The following RHCE variants were observed in gnomAD, a reference collection of about 807,000 sequenced individuals.
RHCE encodes the protein blood group Rh(CE) polypeptide.
RHCE carries 22 observed loss-of-function variants against 43.8 expected under a neutral mutation model. That is an observed-to-expected ratio of 0.50 (90% CI 0.36 to 0.72). The LOEUF is 0.72. Among genes scored for constraint, RHCE ranks in the 30% least tolerant of loss-of-function variants. The pLI is 0.00. For missense variants in RHCE, 385 were observed against 525.4 expected (o/e 0.73, Z 2.61); for synonymous variants, 156 against 210.7 (o/e 0.74, Z 2.25).
chr1:25,392,622 G>A (rs1202044909), intron 3 of RHCE, among the ~76,000 whole-genome samples: 8 of 140,228 alleles, frequency 5.7e-5, no homozygotes, highest in South Asian at 2.2e-4. Context: ...TCAAGCTGGA[G>A]TGCAGTGGTG....
At chr1:25,422,589 G>A (rs1021869912), upstream of RHCE, among the ~76,000 whole-genome samples, 3 of 152,156 alleles carry the variant, frequency 2.0e-5, no homozygotes, top group African/African-American at 7.2e-5. Context: ...TGAGTAAACT[G>A]AGGCACAGAA....
rs747449449 is a variant in RHCE at position 25,392,192 on chromosome 1, G to A, written c.487-51C>T. 15 of 1,613,612 alleles carry A rather than the reference G, an allele frequency of 9.3e-6. No individual in the cohort carries two copies. The Admixed American group carries it at 2.2e-4, about 23-fold the overall frequency. ...TGAGTGTCGGCATCCTCTGCCCAGG[G>A]GAAAGCCCTGATGGTCCTTGGAGAA... On this transcript the variant is annotated intron_variant, in intron 3 of 9. Coordinates refer to ENST00000294413, the MANE Select transcript of RHCE (RefSeq NM_020485.8).
At chr1:25,427,073 G>T (rs1448956787) in intron 2 of RHCE, among the ~76,000 whole-genome samples, 1 of 151,024 alleles carries the variant, frequency 6.6e-6, no homozygotes, top group Non-Finnish European at 1.5e-5. Flanking sequence ...AAAAAAAATA[G>T]GTTTCTCTAG....
chr1:25,404,983 G>T (rs1432861689), intron 2 of RHCE, among the ~76,000 whole-genome samples: 1 of 150,270 alleles, frequency 6.7e-6, no homozygotes, highest in Non-Finnish European at 1.5e-5. Context: ...TTAAGGCCTG[G>T]AGTTTGAGAC....
chr1:25,429,480 G>C (rs576502898), intron 1 of RHCE, among the ~76,000 whole-genome samples: 2 of 152,214 alleles, frequency 1.3e-5, no homozygotes, highest in East Asian at 3.9e-4. Context: ...AAAATGCACT[G>C]GAAGACTAAC....
At chr1:25,396,297 C>CA (rs1321974874) in intron 3 of RHCE, among the ~76,000 whole-genome samples, 4 of 152,074 alleles carry the variant, frequency 2.6e-5, no homozygotes, top group Admixed American at 6.6e-5. Context: ...TCCTCGACCA[C>CA]AAAAAATATG....
chr1:25,379,130 T>C (rs1006393601), intron 7 of RHCE, among the ~76,000 whole-genome samples: 1 of 152,106 alleles, frequency 6.6e-6, no homozygotes, highest in African/African-American at 2.4e-5. Flanking sequence ...AAGAGCATGC[T>C]GCTGGCATCT....
chr1:25,389,908 C>T (rs960770469), intron 5 of RHCE, among the ~76,000 whole-genome samples: 2 of 152,266 alleles, frequency 1.3e-5, no homozygotes, highest in African/African-American at 4.8e-5. Context: ...CCTGAGCTGA[C>T]ACCCACTCCT....
At chr1:25,421,728 G>A (rs2042762554), upstream of RHCE, among the ~76,000 whole-genome samples, 1 of 152,142 alleles carries the variant, frequency 6.6e-6, no homozygotes, top group Non-Finnish European at 1.5e-5. Context: ...TCTGGTACAT[G>A]GTAAGTGTCA....
chr1:25,413,166 G>A (rs1647151877), intron 1 of RHCE, among the ~76,000 whole-genome samples: 1 of 152,146 alleles, frequency 6.6e-6, no homozygotes, highest in African/African-American at 2.4e-5. Flanking sequence ...GTCCCTGAGA[G>A]AGGAATTGTG....
intron 7 of RHCE, chr1:25,385,364 T>C: frequency 2.6e-6 from 1 of 390,674 alleles, no homozygotes; most frequent in South Asian, 2.0e-5. Flanking sequence ...TAGTACGCAG[T>C]GGGAGCACGT....
At chr1:25,384,418 C>A (rs2124388391) in intron 7 of RHCE, among the ~76,000 whole-genome samples, 1 of 152,120 alleles carries the variant, frequency 6.6e-6, no homozygotes, top group East Asian at 1.9e-4. Flanking sequence ...CTTCCCCTGC[C>A]TGTTCTCTAC....
At chr1:25,394,374 C>T (rs777195932) in intron 3 of RHCE, among the ~76,000 whole-genome samples, 6 of 151,988 alleles carry the variant, frequency 3.9e-5, no homozygotes, top group Non-Finnish European at 7.4e-5. Context: ...ATTGTTCTGC[C>T]GCTGTTCTCA....
intron 9 of RHCE, among the ~76,000 whole-genome samples, chr1:25,369,730 A>ATT (rs3080376): frequency 0.12 from 11,555 of 95,396 alleles, 1,243 homozygotes; most frequent in East Asian, 0.18. Context: ...CACTGTAAGA[A>ATT]TTTTTTTTTT....
intron 8 of RHCE, among the ~76,000 whole-genome samples, chr1:25,372,539 C>A (rs1442583384): frequency 6.6e-6 from 1 of 151,250 alleles, no homozygotes; most frequent in Non-Finnish European, 1.5e-5. Context: ...AAAAGAATTT[C>A]TCTTCCTCTG....
intron 2 of RHCE, among the ~76,000 whole-genome samples, chr1:25,428,287 T>C (rs1387345757): frequency 1.3e-5 from 2 of 152,220 alleles, no homozygotes; most frequent in Admixed American, 6.5e-5. Context: ...GGGGTTCCCA[T>C]GGAGGCTGGA....
chr1:25,379,495 ATTTTTTTTTTTTTTT>A (rs770791604), intron 7 of RHCE, among the ~76,000 whole-genome samples: 19 of 27,078 alleles, frequency 7.0e-4, no homozygotes, highest in South Asian at 3.8e-3. Flanking sequence ...ATATATATAT[ATTTTTTTTTTTTTTT>A]TTTTTTTTTT....
chr1:25,418,328 C>G (rs577676948), intron 1 of RHCE, among the ~76,000 whole-genome samples: 1 of 151,550 alleles, frequency 6.6e-6, no homozygotes, highest in Non-Finnish European at 1.5e-5. Flanking sequence ...ACACCCAGTC[C>G]CTGCTCTCCT....
chr1:25,406,250 CGT>C (rs35366666), intron 2 of RHCE, among the ~76,000 whole-genome samples: 7,647 of 116,952 alleles, frequency 0.065, 1,254 homozygotes, highest in African/African-American at 0.17. Context: ...TGCGTGCGTG[CGT>C]GTGTGTGTGT....
Sources: allele counts gnomAD v4.1 joint callset (sites outside exome capture counted in the v4.1 genomes callset), GRCh38; gene constraint gnomAD v4.1.1; transcripts MANE v1.5; gene names NCBI Gene and HGNC (gene_info 2026-07-23, HGNC 2026-07-21).